Variants in NRG3 observed in about 807,000 individuals in gnomAD.
NRG3 encodes neuregulin 3.
Under a neutral mutation model 66.9 loss-of-function variants are expected in NRG3, and 31 were observed. The ratio of observed to expected loss-of-function variants is 0.46; its 90% CI spans 0.35 to 0.63. NRG3 has a LOEUF of 0.63. Among genes scored for constraint, NRG3 ranks in the 20% least tolerant of loss-of-function variants. The pLI is 0.00. For missense variants in NRG3, 910 were observed against 878.9 expected, an observed-to-expected ratio of 1.04 and a Z score of -0.45; for synonymous variants, 393 against 359.4, an observed-to-expected ratio of 1.09 and a Z score of -1.06.
intron 1 of NRG3, among the ~76,000 whole-genome samples, chr10:81,995,544 A>G (rs1472564361): frequency 6.6e-6 from 1 of 152,168 alleles, no homozygotes; most frequent in Non-Finnish European, 1.5e-5. Context: ...AAGCCCTGAA[A>G]CTATCTTTTC....
At chr10:82,643,247 G>C (rs893551110) in intron 2 of NRG3, among the ~76,000 whole-genome samples, 1 of 151,974 alleles carries the variant, frequency 6.6e-6, no homozygotes, top group Non-Finnish European at 1.5e-5. Context: ...GGGCCAGGGG[G>C]GTGGTTTCCT....
chr10:82,430,331 C>T (rs2089720194), intron 2 of NRG3, among the ~76,000 whole-genome samples: 1 of 152,008 alleles, frequency 6.6e-6, no homozygotes, highest in African/African-American at 2.4e-5. Context: ...CATCTCGGCT[C>T]ACTGTAAGCT....
intron 1 of NRG3, among the ~76,000 whole-genome samples, chr10:82,185,290 T>C (rs1394900036): frequency 6.6e-6 from 1 of 152,208 alleles, no homozygotes; most frequent in East Asian, 1.9e-4. Context: ...GATGCTAGAC[T>C]ATCTGCCCAG....
At chr10:82,674,113 T>C (rs181601530) in intron 2 of NRG3, among the ~76,000 whole-genome samples, 88 of 152,254 alleles carry the variant, frequency 5.8e-4, no homozygotes, top group African/African-American at 1.8e-3. Flanking sequence ...AGGCAACATG[T>C]GTAAACTGGG....
intron 1 of NRG3, among the ~76,000 whole-genome samples, chr10:81,998,951 G>T (rs1446027927): frequency 6.6e-6 from 1 of 152,032 alleles, no homozygotes; most frequent in East Asian, 1.9e-4. Context: ...CAAGTAGCTG[G>T]GATTACAGGC....
At chr10:82,334,360 G>A (rs1404076970) in intron 1 of NRG3, among the ~76,000 whole-genome samples, 2 of 152,120 alleles carry the variant, frequency 1.3e-5, no homozygotes, top group Non-Finnish European at 2.9e-5. Flanking sequence ...ACAGTCTGGT[G>A]AAGGGAAAGG....
At chr10:82,680,451 T>C (rs964002688) in intron 2 of NRG3, among the ~76,000 whole-genome samples, 1 of 152,174 alleles carries the variant, frequency 6.6e-6, no homozygotes, top group African/African-American at 2.4e-5. Flanking sequence ...CCTTTGAAAA[T>C]TAAAATTTTA....
chr10:82,443,253 C>T (rs961110396), intron 2 of NRG3, among the ~76,000 whole-genome samples: 7 of 151,950 alleles, frequency 4.6e-5, no homozygotes, highest in Admixed American at 3.3e-4. Context: ...TGACACATCA[C>T]GATTACAAAT....
intron 3 of NRG3, among the ~76,000 whole-genome samples, chr10:82,825,435 A>G (rs911263357): frequency 1.3e-5 from 2 of 152,178 alleles, no homozygotes; most frequent in African/African-American, 4.8e-5. Flanking sequence ...ATATTTATCT[A>G]AAGTTTATTT....
intron 1 of NRG3, among the ~76,000 whole-genome samples, chr10:82,213,165 A>G (rs923088025): frequency 1.3e-5 from 2 of 152,226 alleles, no homozygotes; most frequent in African/African-American, 4.8e-5. Context: ...CTTACTATCC[A>G]AAACTGTGGC....
chr10:82,266,383 A>G (rs1315021802), intron 1 of NRG3, among the ~76,000 whole-genome samples: 2 of 152,058 alleles, frequency 1.3e-5, no homozygotes, highest in African/African-American at 4.8e-5. Flanking sequence ...CGTAAGTAAT[A>G]TGGGGGCTAC....
chr10:82,389,711 A>G (rs1017202617), intron 2 of NRG3, among the ~76,000 whole-genome samples: 1 of 152,216 alleles, frequency 6.6e-6, no homozygotes, highest in Non-Finnish European at 1.5e-5. Context: ...ATAGCTTTAT[A>G]CATATACACA....
At chr10:82,284,680 T>G (rs2079314960) in intron 1 of NRG3, among the ~76,000 whole-genome samples, 1 of 152,242 alleles carries the variant, frequency 6.6e-6, no homozygotes, top group South Asian at 2.1e-4. Flanking sequence ...ATATGCCAAT[T>G]TAATTTTAGC....
chr10:81,925,613 A>T (rs1846692898), intron 1 of NRG3, among the ~76,000 whole-genome samples: 1 of 152,160 alleles, frequency 6.6e-6, no homozygotes, highest in African/African-American at 2.4e-5. Flanking sequence ...AATCCAGATG[A>T]GTGATGAAAA....
chr10:82,968,530 T>C (rs1328320540), intron 6 of NRG3, among the ~76,000 whole-genome samples: 1 of 152,208 alleles, frequency 6.6e-6, no homozygotes, highest in Non-Finnish European at 1.5e-5. Flanking sequence ...AAGAGGTTAA[T>C]TCTGTTTATG....
At position 82,852,691 on chromosome 10, in the gene NRG3, T is replaced by A. The variant is rs923910226; in HGVS notation, c.1028-12720T>A. Reference sequence around the variant, plus strand: ...GTTTGCCTTGGTAATGGCTAAGTGATGTAAAATTAGAAATTTCTAAATTCA... The same window carrying A: ...GTTTGCCTTGGTAATGGCTAAGTGAAGTAAAATTAGAAATTTCTAAATTCA... On this transcript the variant is annotated intron_variant, in intron 3 of 8. Transcript: ENST00000372141. Among the ~76,000 whole-genome samples the A allele has an allele frequency of 3.3e-5, 5 of 152,302 alleles. No individual in the cohort carries two copies. The South Asian group carries it at 8.3e-4, about 25-fold the overall frequency.
chr10:82,208,223 C>G (rs905639744), intron 1 of NRG3, among the ~76,000 whole-genome samples: 1 of 152,146 alleles, frequency 6.6e-6, no homozygotes, highest in Non-Finnish European at 1.5e-5. Flanking sequence ...CGAAGCCTTT[C>G]TGGACTCAGT....
chr10:82,676,806 G>T (rs2053721312), intron 2 of NRG3, among the ~76,000 whole-genome samples: 1 of 151,806 alleles, frequency 6.6e-6, no homozygotes, highest in Non-Finnish European at 1.5e-5. Flanking sequence ...TCTAGTAGAG[G>T]ACTCTGAATT....
intron 1 of NRG3, among the ~76,000 whole-genome samples, chr10:82,158,722 G>A (rs1006630366): frequency 4.6e-5 from 7 of 151,800 alleles, no homozygotes; most frequent in Non-Finnish European, 7.4e-5. Flanking sequence ...TCACATGTAA[G>A]TAAAATGCCA....
Sources: allele counts gnomAD v4.1 joint callset (sites outside exome capture counted in the v4.1 genomes callset), GRCh38; gene constraint gnomAD v4.1.1; transcripts MANE v1.5; gene names NCBI Gene and HGNC (gene_info 2026-07-23, HGNC 2026-07-21).